Variants in CELF2 observed in about 807,000 individuals in gnomAD.
CELF2 encodes the protein CUG triplet repeat RNA-binding protein 2.
Under a neutral mutation model 62.6 loss-of-function variants are expected in CELF2, and 8 were observed. The observed-to-expected ratio is 0.13, with a 90% CI of 0.07 to 0.23. CELF2 has a LOEUF of 0.23. Among genes scored for constraint, CELF2 ranks in the 10% least tolerant of loss-of-function variants. The pLI, the probability that CELF2 is intolerant of heterozygous loss-of-function variation, is 1.00. For synonymous variants in CELF2, 258 were observed against 250.0 expected (o/e 1.03, Z -0.30); for missense variants, 333 against 671.0 (o/e 0.50, Z 5.56).
At chr10:10,721,188 A>G in the CELF2 span, among the ~76,000 whole-genome samples, 1 of 152,242 alleles carries the variant, frequency 6.6e-6, no homozygotes, top group Non-Finnish European at 1.5e-5. Flanking sequence ...ATGAAAAGTT[A>G]TTCCTGCACT....
intron 8 of CELF2, among the ~76,000 whole-genome samples, chr10:11,287,158 A>C (rs1279521625): frequency 6.6e-6 from 1 of 152,212 alleles, no homozygotes. Context: ...TCCCTAAAGA[A>C]GACTGAATTT....
At chr10:11,036,076 A>G (rs2060900936) in intron 1 of CELF2, among the ~76,000 whole-genome samples, 1 of 152,240 alleles carries the variant, frequency 6.6e-6, no homozygotes, top group African/African-American at 2.4e-5. Context: ...TCTGATCTGC[A>G]TGCGTAAATA....
At position 10,958,560 on chromosome 10, in the gene CELF2, G is replaced by A. The variant is rs542205017; in HGVS notation, c.89+38561G>A. Among the ~76,000 whole-genome samples the A allele has an allele frequency of 7.8e-4, 119 of 152,234 alleles. 2 individuals carry two copies. Among genetic ancestry groups the A allele is most frequent in the Non-Finnish European group, 1.4e-3 (97 of 68,004 alleles). ...CGTGTTCTACCTCTCAACTGTGTTC[G>A]AAAACCAACAAAGATGGCTGGGCAT... On this transcript the variant is annotated intron_variant, in intron 2 of 13. Coordinates refer to the CELF2 transcript ENST00000636488.
chr10:11,228,891 A>C lies in CELF2; in HGVS notation c.354+11384A>C, dbSNP rs544949053. On this transcript the variant is annotated intron_variant, in intron 3 of 12. Coordinates refer to ENST00000633077, the MANE Select transcript of CELF2 (RefSeq NM_001326342.2). ...TCAGTAAGGAAAATACTTAAGAGAGAATCAAAAGCCCAGGAAATCCTGTAG... is the reference window on the plus strand; with the variant it reads ...TCAGTAAGGAAAATACTTAAGAGAGCATCAAAAGCCCAGGAAATCCTGTAG... Among the ~76,000 whole-genome samples, 13 of 152,352 alleles carry C rather than the reference A, an allele frequency of 8.5e-5. No individual in the cohort carries two copies. The East Asian group carries it at 2.5e-3, about 29-fold the overall frequency.
intron 6 of CELF2, among the ~76,000 whole-genome samples, 192 bp downstream of exon 6, chr10:11,266,869 G>A (rs1315335124): frequency 2.0e-5 from 3 of 151,808 alleles, no homozygotes; most frequent in Non-Finnish European, 2.9e-5. Context: ...TTCCCCTAAT[G>A]ACTTGAAATG....
the CELF2 span, among the ~76,000 whole-genome samples, chr10:10,772,411 T>C: frequency 1.1e-4 from 17 of 152,264 alleles, no homozygotes; most frequent in Admixed American, 5.9e-4. Flanking sequence ...ATGGATACTT[T>C]TTCAAATGTT....
At chr10:10,795,131 G>A (rs1283378980), upstream of CELF2, among the ~76,000 whole-genome samples, 3 of 152,108 alleles carry the variant, frequency 2.0e-5, no homozygotes, top group Admixed American at 6.5e-5. Flanking sequence ...GAAACCAAAG[G>A]AAGGGGGAGG....
At chr10:10,989,941 T>C (rs554303680) in intron 2 of CELF2, among the ~76,000 whole-genome samples, 1 of 152,266 alleles carries the variant, frequency 6.6e-6, no homozygotes, top group South Asian at 2.1e-4. Context: ...TCACTCATCA[T>C]AGTACAAATT....
At chr10:11,295,743 G>T (rs752139904) in intron 9 of CELF2, among the ~76,000 whole-genome samples, 10 of 152,204 alleles carry the variant, frequency 6.6e-5, no homozygotes, top group Admixed American at 1.3e-4. Context: ...GATACTGTTG[G>T]GGAGAACAGT....
At chr10:10,593,815 C>T in the CELF2 span, among the ~76,000 whole-genome samples, 4 of 152,210 alleles carry the variant, frequency 2.6e-5, no homozygotes, top group Admixed American at 2.0e-4. Flanking sequence ...CCACCACATT[C>T]CACACATGAG....
At chr10:10,959,152 G>T (rs1366852977) in intron 2 of CELF2, among the ~76,000 whole-genome samples, 1 of 152,128 alleles carries the variant, frequency 6.6e-6, no homozygotes, top group Non-Finnish European at 1.5e-5. Flanking sequence ...AAGCATGGTG[G>T]TAGCTGTAGT....
At chr10:10,736,383 TCTTTCTTTC>T in the CELF2 span, among the ~76,000 whole-genome samples, 6 of 86,256 alleles carry the variant, frequency 7.0e-5, no homozygotes, top group Non-Finnish European at 7.7e-5. Flanking sequence ...TTTCTTTCTT[TCTTTCTTTC>T]TTTCTTTTTT....
intron 8 of CELF2, among the ~76,000 whole-genome samples, chr10:11,286,424 A>C (rs1295495795): frequency 6.6e-6 from 1 of 152,248 alleles, no homozygotes; most frequent in Admixed American, 6.5e-5. Context: ...AGCACACATC[A>C]TGAGAGAGCC....
intron 2 of CELF2, among the ~76,000 whole-genome samples, chr10:10,948,831 G>A (rs760745982): frequency 6.6e-5 from 10 of 152,092 alleles, no homozygotes; most frequent in East Asian, 1.9e-4. Flanking sequence ...CCTTCTTATC[G>A]TGATCAAAAC....
At chr10:10,544,728 T>C in the CELF2 span, among the ~76,000 whole-genome samples, 1 of 152,154 alleles carries the variant, frequency 6.6e-6, no homozygotes, top group South Asian at 2.1e-4. Flanking sequence ...CAACACAGAG[T>C]ATGGAGAGAG....
the CELF2 span, among the ~76,000 whole-genome samples, chr10:10,726,013 T>A: frequency 6.6e-6 from 1 of 152,152 alleles, no homozygotes; most frequent in East Asian, 1.9e-4. Flanking sequence ...GACTCATTCT[T>A]GCTTTTTCCT....
upstream of CELF2, among the ~76,000 whole-genome samples, chr10:11,014,624 T>A (rs545498588): frequency 6.6e-6 from 1 of 152,144 alleles, no homozygotes; most frequent in South Asian, 2.1e-4. Context: ...CCATTGAGTG[T>A]GTTTTTTTTT....
At chr10:10,759,463 T>G in the CELF2 span, among the ~76,000 whole-genome samples, 1 of 151,742 alleles carries the variant, frequency 6.6e-6, no homozygotes, top group Non-Finnish European at 1.5e-5. Flanking sequence ...GTGCCAAGCA[T>G]GGTGGCAGGT....
the CELF2 span, among the ~76,000 whole-genome samples, chr10:10,655,906 A>C: frequency 1.5e-5 from 2 of 130,890 alleles, no homozygotes; most frequent in African/African-American, 5.6e-5. Context: ...TCTGCACAGC[A>C]AAAGAAACTA....
Sources: gnomAD v4.1 joint callset for allele counts (sites outside exome capture counted in the v4.1 genomes callset) on GRCh38, gnomAD v4.1.1 for gene constraint, MANE v1.5 for transcripts, NCBI Gene and HGNC (gene_info 2026-07-23, HGNC 2026-07-21) for gene names.